The following ST7 variants were observed in gnomAD, a reference collection of about 807,000 sequenced individuals.
ST7 encodes the protein suppression of tumorigenicity 7, also known as suppressor of tumorigenicity 7 protein.
ST7 carries 28 observed loss-of-function variants against 78.7 expected under a neutral mutation model. The observed-to-expected ratio is 0.36, with a 90% CI of 0.26 to 0.49. The LOEUF (loss-of-function observed/expected upper bound fraction) is 0.49, where lower values mean the gene tolerates loss of function less well. ST7 is among the 20% of genes least tolerant of loss of function. The pLI, the probability that ST7 is intolerant of heterozygous loss-of-function variation, is 0.99. For missense variants in ST7, 418 were observed against 696.0 expected, an observed-to-expected ratio of 0.60 and a Z score of 4.49; for synonymous variants, 247 against 249.6, an observed-to-expected ratio of 0.99 and a Z score of 0.10.
At chr7:117,187,004 T>A (rs1283351657) in intron 10 of ST7, among the ~76,000 whole-genome samples, 2 of 152,224 alleles carry the variant, frequency 1.3e-5, no homozygotes, top group African/African-American at 4.8e-5. Context: ...AAAATATGCA[T>A]CATTTTCAAA....
At chr7:117,004,655 T>C (rs1795083990) in intron 1 of ST7, among the ~76,000 whole-genome samples, 1 of 152,064 alleles carries the variant, frequency 6.6e-6, no homozygotes, top group African/African-American at 2.4e-5. Flanking sequence ...AGCAACACCC[T>C]GTCTCAAAAT....
At position 116,996,444 on chromosome 7, in the gene ST7, T is replaced by C. The variant is rs548067920; in HGVS notation, c.151+42753T>C. 2.6e-5 allele frequency among the ~76,000 whole-genome samples: 4 copies of C among 152,316 alleles called. No individual in the cohort carries two copies. The East Asian group carries it at 7.7e-4, about 29-fold the overall frequency. On this transcript the variant is annotated intron_variant, in intron 1 of 15. Transcript: ENST00000323984. Reference sequence around the variant, plus strand: ...TGTGGGAATGCACTCTGGGAAACACTGTCTAGGAAATTGAGCTAATACCTC... The same window carrying C: ...TGTGGGAATGCACTCTGGGAAACACCGTCTAGGAAATTGAGCTAATACCTC...
At chr7:117,131,603 A>C (rs1333653397) in intron 5 of ST7, among the ~76,000 whole-genome samples, 1 of 151,916 alleles carries the variant, frequency 6.6e-6, no homozygotes, top group Non-Finnish European at 1.5e-5. Context: ...AAATGACATT[A>C]ATGTGCAAAA....
chr7:117,021,555 C>T (rs1795915775), intron 1 of ST7, among the ~76,000 whole-genome samples: 1 of 152,140 alleles, frequency 6.6e-6, no homozygotes, highest in Non-Finnish European at 1.5e-5. Flanking sequence ...AAACTGATTT[C>T]TTACGAACTT....
At chr7:117,168,972 G>A (rs187722182) in intron 9 of ST7, among the ~76,000 whole-genome samples, 2 of 152,142 alleles carry the variant, frequency 1.3e-5, no homozygotes, top group Admixed American at 6.5e-5. Flanking sequence ...TGTTATAATA[G>A]ATAGCAGTTA....
Position 117,111,190 on chromosome 7 carries a change from C to T in ST7, c.235-8371C>T, listed in dbSNP as rs117044429. ...CTGCTGAGTGCATTTCAGGGAGAGG[C>T]AGCATTGAGGTAAAGGATCAGGTGC... On this transcript the variant is annotated intron_variant, in intron 2 of 15. Transcript: ENST00000323984. Among the ~76,000 whole-genome samples, 170 of 152,290 alleles carry T rather than the reference C, an allele frequency of 1.1e-3. 2 individuals carry two copies. The East Asian group carries it at 0.03, about 27-fold the overall frequency.
chr7:116,991,710 T>G (rs1794438975), intron 1 of ST7, among the ~76,000 whole-genome samples: 1 of 152,108 alleles, frequency 6.6e-6, no homozygotes, highest in South Asian at 2.1e-4. Flanking sequence ...TCAAAACCAA[T>G]CATGCCTTCC....
intron 1 of ST7, among the ~76,000 whole-genome samples, chr7:117,035,061 C>G (rs1796808580): frequency 6.6e-6 from 1 of 150,866 alleles, no homozygotes; most frequent in Non-Finnish European, 1.5e-5. Flanking sequence ...TTCAGACTTT[C>G]ATGAGGCCAA....
chr7:117,028,261 G>T (rs569832186), intron 1 of ST7, among the ~76,000 whole-genome samples: 66 of 152,276 alleles, frequency 4.3e-4, no homozygotes, highest in African/African-American at 1.6e-3. Flanking sequence ...ATCAGTTTAT[G>T]TACAGCATGA....
chr7:117,039,352 T>C (rs906385959), intron 1 of ST7, among the ~76,000 whole-genome samples: 1 of 152,134 alleles, frequency 6.6e-6, no homozygotes, highest in Admixed American at 6.5e-5. Flanking sequence ...GGCAGGAAGA[T>C]TGCTTGAGGC....
chr7:116,954,599 C>G (rs1254170654), intron 1 of ST7: 5 of 152,526 alleles, frequency 3.3e-5, no homozygotes, highest in Admixed American at 3.3e-4. Flanking sequence ...AACACACGAG[C>G]CTTAACACTC....
intron 12 of ST7, among the ~76,000 whole-genome samples, chr7:117,196,451 G>A (rs2117442629): frequency 6.6e-6 from 1 of 152,248 alleles, no homozygotes; most frequent in East Asian, 1.9e-4. Flanking sequence ...TGTTGAGAGT[G>A]GCCATCCTAA....
intron 9 of ST7, chr7:117,146,548 G>T (rs866320120): frequency 6.6e-6 from 1 of 152,300 alleles, no homozygotes. Context: ...AGAAGCGGAG[G>T]AGTCGGTCAG....
intron 1 of ST7, among the ~76,000 whole-genome samples, chr7:117,015,924 G>A (rs557903900): frequency 1.4e-4 from 21 of 152,208 alleles, no homozygotes; most frequent in East Asian, 7.7e-4. Flanking sequence ...GTGTGCATCC[G>A]GATTGAACTC....
chr7:117,014,942 A>C, intron 1 of ST7: 3 of 1,320,548 alleles, frequency 2.3e-6, no homozygotes, highest in Non-Finnish European at 2.9e-6. Context: ...GAGCCGTTTC[A>C]TTTTCTGGCT....
At chr7:117,111,527 T>C (rs935201992) in intron 2 of ST7, among the ~76,000 whole-genome samples, 8 of 152,178 alleles carry the variant, frequency 5.3e-5, no homozygotes, top group Non-Finnish European at 1.2e-4. Context: ...AATAAACAGG[T>C]GTATATTTTA....
chr7:117,172,555 A>T (rs1234863308), intron 10 of ST7, among the ~76,000 whole-genome samples: 1 of 152,212 alleles, frequency 6.6e-6, no homozygotes, highest in African/African-American at 2.4e-5. Flanking sequence ...TTTGGCTTTC[A>T]TGTCAGCTCA....
chr7:117,118,782 A>T (rs1428131873), intron 2 of ST7, among the ~76,000 whole-genome samples: 1 of 152,270 alleles, frequency 6.6e-6, no homozygotes, highest in East Asian at 1.9e-4. Flanking sequence ...GGGTTGGGGG[A>T]GGTCACTTGC....
chr7:117,211,929 T>C (rs1439094813), intron 13 of ST7, among the ~76,000 whole-genome samples: 1 of 152,134 alleles, frequency 6.6e-6, no homozygotes, highest in Non-Finnish European at 1.5e-5. Flanking sequence ...GGGGGTGGGT[T>C]TTCAGGCATA....
Sources: allele counts gnomAD v4.1 joint callset (sites outside exome capture counted in the v4.1 genomes callset), GRCh38; gene constraint gnomAD v4.1.1; transcripts MANE v1.5; gene names NCBI Gene and HGNC (gene_info 2026-07-23, HGNC 2026-07-21).